The following MTMR9 variants were observed in gnomAD, a reference collection of about 807,000 sequenced individuals.
The protein encoded by MTMR9 is myotubularin related protein 9, also known as myotubularin-related protein 9.
MTMR9 carries 39 observed loss-of-function variants against 69.5 expected under a neutral mutation model. The ratio of observed to expected loss-of-function variants is 0.56; its 90% CI spans 0.43 to 0.73. The LOEUF (loss-of-function observed/expected upper bound fraction) is 0.73, where lower values mean the gene tolerates loss of function less well. Among genes scored for constraint, MTMR9 ranks in the 30% least tolerant of loss-of-function variants. MTMR9 has a pLI of 0.00. For synonymous variants in MTMR9, 354 were observed against 240.8 expected (o/e 1.47, Z -4.35); for missense variants, 900 against 671.2 (o/e 1.34, Z -3.77).
intron 2 of MTMR9, chr8:11,298,720 ACCCCC>A: frequency 4.1e-6 from 3 of 726,440 alleles, no homozygotes; most frequent in Non-Finnish European, 3.3e-6. Flanking sequence ...TCCCCGCTGC[ACCCCC>A]CCCCCGCCAT....
intron 1 of MTMR9, among the ~76,000 whole-genome samples, chr8:11,290,908 T>C (rs1223510362): frequency 2.0e-5 from 3 of 152,014 alleles, no homozygotes; most frequent in Non-Finnish European, 2.9e-5. Context: ...TTTCGACCTT[T>C]ATGTTTCCAT....
rs1800268346 is a variant in MTMR9 at position 11,313,078 on chromosome 8, AG to A, written c.972-1843del. Among the ~76,000 whole-genome samples the A allele has an allele frequency of 2.0e-5, 3 of 152,222 alleles. No individual in the cohort carries two copies. In the South Asian group the frequency reaches 6.2e-4, roughly 32 times the overall value. ...CAGAGTAGATTTAGTGTAACCCTTA[AG>A]GCCCCTAGGATTTTCAGAATTGCAA... On this transcript the variant is annotated intron_variant, in intron 6 of 9. Transcript: ENST00000221086.
chr8:11,300,094 A>G lies in MTMR9; in HGVS notation c.363A>G (p.Glu121=). 6.2e-7 allele frequency: 1 copy of G among 1,613,724 alleles called. No individual in the cohort carries two copies. Among genetic ancestry groups the G allele is most frequent in the South Asian group, 1.1e-5 (1 of 91,080 alleles). ...FFYRPMFEVI[E]DGWHSFLPEQ... Reference sequence around the variant, plus strand: ...ACCGTCCTATGTTTGAAGTGATAGAAGATGGCTGGCATTCCTTCCTTCCTG... The same window carrying G: ...ACCGTCCTATGTTTGAAGTGATAGAGGATGGCTGGCATTCCTTCCTTCCTG... The change falls in exon 3 of 10, where the codon GAA becomes GAG. Residue 121 remains glutamate, a synonymous_variant. Transcript: ENST00000221086.
At chr8:11,300,364 ACCC>A (rs1014075207) in intron 3 of MTMR9, 2 of 366,094 alleles carry the variant, frequency 5.5e-6, no homozygotes, top group South Asian at 3.7e-5. Context: ...ATCTAGGAAT[ACCC>A]CCAAGTATTT....
rs1192252942 is a variant in MTMR9, at chr8:11,309,597, C to T, written c.880C>T (p.Arg294Ter). 8 of 1,613,714 alleles carry T rather than the reference C, an allele frequency of 5.0e-6. No homozygotes were observed. Among genetic ancestry groups the T allele is most frequent in the East Asian group, 2.2e-5 (1 of 44,898 alleles). Reference sequence around the variant, plus strand: ...TAATGACCAAACACATAACATGGACCGATGGCTCAGTAAATTGGAGGCCTC... The same window carrying T: ...TAATGACCAAACACATAACATGGACTGATGGCTCAGTAAATTGGAGGCCTC... ...ACNDQTHNMD[R>*]WLSKLEASNW... The change falls in exon 6 of 10, where the codon CGA becomes TGA. Residue 294 changes from arginine to a stop codon, truncating the protein, a stop_gained. Coordinates refer to ENST00000221086, the MANE Select transcript of MTMR9 (RefSeq NM_015458.4). LOFTEE classifies it high-confidence loss of function.
chr8:11,314,772 A>G (rs909864788), intron 6 of MTMR9, 151 bp from the exon 7 acceptor site: 7 of 615,992 alleles, frequency 1.1e-5, no homozygotes, highest in African/African-American at 7.3e-5. Context: ...TCTGAACTCT[A>G]CAAGTCAGAG....
chr8:11,335,220 G>C, the MTMR9 span, among the ~76,000 whole-genome samples: 7 of 152,202 alleles, frequency 4.6e-5, no homozygotes, highest in Admixed American at 1.3e-4. Flanking sequence ...GTTATAGCAA[G>C]GTTGCAGGGT....
intron 8 of MTMR9, 60 bp from the exon 9 acceptor site, chr8:11,319,627 G>A: frequency 1.3e-6 from 2 of 1,541,166 alleles, no homozygotes; most frequent in Non-Finnish European, 1.8e-6. Context: ...CGTAAGAGGA[G>A]CACTCAATAA....
At chr8:11,332,212 A>T, downstream of MTMR9, 1 of 1,495,970 alleles carries the variant, frequency 6.7e-7, no homozygotes, top group Non-Finnish European at 8.9e-7. Flanking sequence ...GAAAAAAAAT[A>T]ATTATAATAA....
Position 11,284,862 on chromosome 8 carries a change from G to C in MTMR9, c.-27G>C. Reference sequence around the variant, plus strand: ...AACCGCCTCGCACCTACCGGGCTCGGTTCCCTGGCTCCGGCCGCGGGGGAG... The same window carrying C: ...AACCGCCTCGCACCTACCGGGCTCGCTTCCCTGGCTCCGGCCGCGGGGGAG... On this transcript the variant is annotated 5_prime_UTR_variant, in exon 1 of 10. Coordinates refer to ENST00000221086, the MANE Select transcript of MTMR9 (RefSeq NM_015458.4). 2 of 1,549,898 alleles carry C rather than the reference G, an allele frequency of 1.3e-6. No individual in the cohort carries two copies. Among genetic ancestry groups the C allele is most frequent in the Non-Finnish European group, 8.7e-7 (1 of 1,154,346 alleles).
At chr8:11,319,437 A>G in intron 8 of MTMR9, 1 of 470,102 alleles carries the variant, frequency 2.1e-6, no homozygotes, top group South Asian at 2.5e-5. Flanking sequence ...ATGTGACCAG[A>G]TTCTGTTTTT....
Position 11,309,791 on chromosome 8 carries a change from A to G in MTMR9, c.971+103A>G, listed in dbSNP as rs1041008139. On this transcript the variant is annotated intron_variant, in intron 6 of 9. Coordinates refer to ENST00000221086, the MANE Select transcript of MTMR9 (RefSeq NM_015458.4). ...TAGATTATGTGAAAGTTTGCAGTAA[A>G]TTACTGTGTAGGCTAGTCAACACCA... 7 of 1,295,140 alleles carry G rather than the reference A, an allele frequency of 5.4e-6. No individual in the cohort carries two copies. The Admixed American group carries it at 1.1e-4, about 21-fold the overall frequency. The allele number at this position is 1,295,140 out of a possible 1,614,324, so 80.2% of individuals were successfully genotyped here.
downstream of MTMR9, chr8:11,332,251 C>T (rs1801267061): frequency 5.8e-6 from 8 of 1,380,924 alleles, no homozygotes; most frequent in Non-Finnish European, 7.8e-6. Context: ...AGTCTAACTT[C>T]CATAGCACAT....
chr8:11,314,163 C>G (rs1800316777), intron 6 of MTMR9, among the ~76,000 whole-genome samples: 1 of 152,126 alleles, frequency 6.6e-6, no homozygotes, highest in African/African-American at 2.4e-5. Context: ...GTAACCAAAC[C>G]CGAAGCTTTT....
At chr8:11,314,682 G>A (rs1339958323) in intron 6 of MTMR9, among the ~76,000 whole-genome samples, 1 of 152,190 alleles carries the variant, frequency 6.6e-6, no homozygotes, top group African/African-American at 2.4e-5. Context: ...GTCTTGCCAT[G>A]TGAAATTTGA....
chr8:11,299,934 C>A, intron 2 of MTMR9, 89 bp from the exon 3 acceptor site: 1 of 1,447,680 alleles, frequency 6.9e-7, no homozygotes, highest in Non-Finnish European at 9.3e-7. Context: ...CATTATTAGA[C>A]CATGTTTGCT....
chr8:11,306,289 G>A lies in MTMR9; in HGVS notation c.691G>A (p.Gly231Ser). 1 of 1,614,050 alleles carries A rather than the reference G, an allele frequency of 6.2e-7. No homozygotes were observed. Among genetic ancestry groups the A allele is most frequent in the South Asian group, 1.1e-5 (1 of 91,082 alleles). Residue 231 changes from glycine (G) to serine (S), a missense_variant, in exon 5 of 10, where the codon GGC becomes AGC. By Grantham distance (56) the Gly-to-Ser change is moderately conservative. Transcript: ENST00000221086. Reference sequence around the variant, plus strand: ...TGCTACCCTCAGGGCTGGAAAGCGTGGCTACATCATTGACACCCGATCCCT... The same window carrying A: ...TGCTACCCTCAGGGCTGGAAAGCGTAGCTACATCATTGACACCCGATCCCT... The part of the protein sequence containing the change: ...INATLRAGKR[G>S]YIIDTRSLNV...
downstream of MTMR9, chr8:11,331,620 A>T (rs1429973102): frequency 9.9e-6 from 16 of 1,612,750 alleles, no homozygotes; most frequent in African/African-American, 2.7e-5. Flanking sequence ...ACTAATCATC[A>T]TTCTGGGACC....
Position 11,326,224 on chromosome 8 carries a change from A to C in MTMR9, c.*3436A>C, listed in dbSNP as rs561452387. The C allele has an allele frequency of 6.6e-6, 1 of 151,216 alleles. No homozygotes were observed. The highest frequency in any genetic ancestry group is 2.0e-4 in the East Asian group (1 of 5,050). The allele number at this position is 151,216 out of a possible 1,614,324, so 9.4% of individuals were successfully genotyped here. On this transcript the variant is annotated 3_prime_UTR_variant, in exon 10 of 10. Coordinates refer to ENST00000221086, the MANE Select transcript of MTMR9 (RefSeq NM_015458.4). ...GTCTGGTTTCAGGGATAGCTGTTTG[A>C]ATTGTCATTCTAAAGTAGGTCATCA...
Sources: allele counts gnomAD v4.1 joint callset (sites outside exome capture counted in the v4.1 genomes callset), GRCh38; gene constraint gnomAD v4.1.1; transcripts MANE v1.5; gene names NCBI Gene and HGNC (gene_info 2026-07-23, HGNC 2026-07-21).